Variants in ELMO1 observed in about 807,000 individuals in gnomAD.
ELMO1 encodes the protein engulfment and cell motility protein 1.
Under a neutral mutation model 98.9 loss-of-function variants are expected in ELMO1, and 26 were observed. That is an observed-to-expected ratio of 0.26 (90% CI 0.19 to 0.36). The LOEUF (loss-of-function observed/expected upper bound fraction) is 0.36. ELMO1 is among the 10% of genes least tolerant of loss of function. ELMO1 has a pLI of 1.00. For synonymous variants in ELMO1, 346 were observed against 346.0 expected (o/e 1.00, Z 0.00); for missense variants, 627 against 935.2 (o/e 0.67, Z 4.30).
intron 1 of ELMO1, among the ~76,000 whole-genome samples, chr7:37,417,004 G>C (rs1294261546): frequency 1.3e-5 from 2 of 152,168 alleles, no homozygotes; most frequent in Admixed American, 1.3e-4. Context: ...AGCTGTAAAA[G>C]CTAAACCCCT....
At chr7:36,976,835 C>G (rs943007890) in intron 16 of ELMO1, among the ~76,000 whole-genome samples, 3 of 152,156 alleles carry the variant, frequency 2.0e-5, no homozygotes, top group Non-Finnish European at 4.4e-5. Context: ...CCTTCCTTTC[C>G]CTTGAAAAGT....
At chr7:37,270,124 A>G (rs967205799) in intron 5 of ELMO1, 3 of 152,234 alleles carry the variant, frequency 2.0e-5, no homozygotes, top group Non-Finnish European at 4.4e-5. Flanking sequence ...AACTACAAAA[A>G]ACACATAAAA....
At chr7:37,082,957 A>G (rs1429362873) in intron 15 of ELMO1, among the ~76,000 whole-genome samples, 1 of 152,242 alleles carries the variant, frequency 6.6e-6, no homozygotes, top group Admixed American at 6.5e-5. Context: ...ACAGGTGACA[A>G]CAAAGTTCAA....
intron 1 of ELMO1, among the ~76,000 whole-genome samples, chr7:37,395,208 TAATACAAAATTAGCTGGGC>T: frequency 6.6e-6 from 1 of 151,820 alleles, no homozygotes; most frequent in African/African-American, 2.4e-5. Flanking sequence ...TCTACTAAAA[TAATACAAAATTAGCTGGGC>T]GTAGTAGTGC....
intron 14 of ELMO1, among the ~76,000 whole-genome samples, chr7:37,106,703 T>G (rs930866686): frequency 2.0e-5 from 3 of 151,304 alleles, no homozygotes; most frequent in African/African-American, 7.4e-5. Context: ...GGGAACAAAG[T>G]GTGGCATTGG....
At chr7:36,908,848 G>A (rs756499443) in intron 16 of ELMO1, among the ~76,000 whole-genome samples, 1 of 152,170 alleles carries the variant, frequency 6.6e-6, no homozygotes, top group Non-Finnish European at 1.5e-5. Flanking sequence ...CTATCTGCTA[G>A]AGGCAACAGA....
intron 17 of ELMO1, among the ~76,000 whole-genome samples, chr7:36,889,693 T>G (rs564803680): frequency 6.6e-6 from 1 of 152,260 alleles, no homozygotes; most frequent in African/African-American, 2.4e-5. Flanking sequence ...TCTTAACTGA[T>G]GCTTTATGAC....
chr7:37,423,993 T>TTGGACCTCA (rs1420259034), intron 1 of ELMO1, among the ~76,000 whole-genome samples: 2 of 152,126 alleles, frequency 1.3e-5, no homozygotes, highest in Non-Finnish European at 2.9e-5. Context: ...GTGGTCATCC[T>TTGGACCTCA]TGGACCTCAT....
chr7:37,235,346 T>C (rs1272980447), intron 7 of ELMO1, among the ~76,000 whole-genome samples: 1 of 152,204 alleles, frequency 6.6e-6, no homozygotes, highest in African/African-American at 2.4e-5. Flanking sequence ...GCATTAGTAT[T>C]ACTGTGAAAA....
chr7:37,334,815 T>C (rs1406683402), intron 2 of ELMO1, among the ~76,000 whole-genome samples: 4 of 152,242 alleles, frequency 2.6e-5, no homozygotes, highest in African/African-American at 9.6e-5. Context: ...ATATGGTAGT[T>C]GAAAAACTGC....
At chr7:36,914,599 C>T (rs1444425825) in intron 16 of ELMO1, among the ~76,000 whole-genome samples, 2 of 151,788 alleles carry the variant, frequency 1.3e-5, no homozygotes, top group Non-Finnish European at 2.9e-5. Flanking sequence ...CTGCAACCTC[C>T]GCCTCCCGTG....
intron 16 of ELMO1, among the ~76,000 whole-genome samples, chr7:36,941,735 C>A (rs775789353): frequency 1.6e-4 from 24 of 152,160 alleles, no homozygotes; most frequent in Non-Finnish European, 2.6e-4. Flanking sequence ...TGTGACCAGT[C>A]CTGGGCAAAT....
intron 15 of ELMO1, among the ~76,000 whole-genome samples, chr7:37,050,661 A>ACACACACAC (rs1562922933): frequency 1.0e-4 from 12 of 116,782 alleles, no homozygotes; most frequent in African/African-American, 3.6e-4. Context: ...CACACACACA[A>ACACACACAC]AAGGTAACTA....
At chr7:37,137,523 C>A (rs1787349600) in intron 13 of ELMO1, among the ~76,000 whole-genome samples, 1 of 151,842 alleles carries the variant, frequency 6.6e-6, no homozygotes, top group Admixed American at 6.6e-5. Context: ...TATGATAGAC[C>A]ACAAAAGAAG....
chr7:37,148,291 GAC>G (rs373986768), intron 13 of ELMO1, among the ~76,000 whole-genome samples: 1 of 152,104 alleles, frequency 6.6e-6, no homozygotes, highest in Non-Finnish European at 1.5e-5. Context: ...AATACAGAAA[GAC>G]ACACACACAC....
chr7:37,163,930 T>C (rs575421331), intron 13 of ELMO1, among the ~76,000 whole-genome samples: 2 of 152,340 alleles, frequency 1.3e-5, no homozygotes, highest in South Asian at 4.1e-4. Flanking sequence ...TCCACATTGG[T>C]TGAACTAGTT....
In ELMO1 at chr7:36,996,486, G is replaced by A. The variant is rs930275902; in HGVS notation, c.1437+16813C>T. ...GAGTGAGAATCAGTCCTGGTTCTTA[G>A]GGGTAGAGTCAAGAAACAGAGAGAG... On this transcript the variant is annotated intron_variant, in intron 16 of 21. Transcript: ENST00000310758. 3.9e-5 allele frequency among the ~76,000 whole-genome samples: 6 copies of A among 152,256 alleles called. No individual in the cohort carries two copies. In the East Asian group the frequency reaches 1.2e-3, roughly 29 times the overall value.
At chr7:37,077,545 G>A (rs890247827) in intron 15 of ELMO1, among the ~76,000 whole-genome samples, 1 of 152,184 alleles carries the variant, frequency 6.6e-6, no homozygotes, top group Non-Finnish European at 1.5e-5. Context: ...AAGCAGGGGC[G>A]GATTGGAGGA....
At chr7:37,079,578 G>T (rs575498947) in intron 15 of ELMO1, among the ~76,000 whole-genome samples, 8 of 151,990 alleles carry the variant, frequency 5.3e-5, no homozygotes, top group Non-Finnish European at 1.2e-4. Flanking sequence ...CATCTAGTTG[G>T]GCTCTCTCCT....
Sources: allele counts gnomAD v4.1 joint callset (sites outside exome capture counted in the v4.1 genomes callset), GRCh38; gene constraint gnomAD v4.1.1; transcripts MANE v1.5; gene names NCBI Gene and HGNC (gene_info 2026-07-23, HGNC 2026-07-21).